The following LHFPL6 variants were observed in gnomAD, a reference collection of about 807,000 sequenced individuals.
LHFPL6 encodes the protein LHFPL tetraspan subfamily member 6.
Under a neutral mutation model 20.6 loss-of-function variants are expected in LHFPL6, and 9 were observed. That is an observed-to-expected ratio of 0.44 (90% confidence interval 0.26 to 0.76). The LOEUF (loss-of-function observed/expected upper bound fraction) is 0.76, where lower values mean the gene tolerates loss of function less well. LHFPL6 is among the 30% of genes least tolerant of loss of function. LHFPL6 has a pLI of 0.20. For missense variants in LHFPL6, 218 were observed against 253.5 expected, an observed-to-expected ratio of 0.86 and a Z score of 0.95; for synonymous variants, 105 against 98.7, an observed-to-expected ratio of 1.06 and a Z score of -0.38.
intron 2 of LHFPL6, among the ~76,000 whole-genome samples, chr13:39,411,020 G>A (rs948981500): frequency 6.6e-6 from 1 of 152,218 alleles, no homozygotes; most frequent in African/African-American, 2.4e-5. Flanking sequence ...ATCTCTGTCA[G>A]AGGGATATTT....
chr13:39,482,210 G>A (rs1341972925), intron 2 of LHFPL6, among the ~76,000 whole-genome samples: 1 of 152,212 alleles, frequency 6.6e-6, no homozygotes. Context: ...TTGGGAGGCT[G>A]AGATGGGCAG....
At chr13:39,577,780 C>A (rs1872160480) in intron 2 of LHFPL6, among the ~76,000 whole-genome samples, 1 of 152,006 alleles carries the variant, frequency 6.6e-6, no homozygotes, top group South Asian at 2.1e-4. Flanking sequence ...GCTACAGGTG[C>A]ATGCCACCAT....
intron 2 of LHFPL6, among the ~76,000 whole-genome samples, chr13:39,534,437 G>A (rs1397266693): frequency 2.0e-5 from 3 of 151,962 alleles, no homozygotes; most frequent in Non-Finnish European, 4.4e-5. Flanking sequence ...ACGGAAACTA[G>A]AAGAAGGCAA....
intron 2 of LHFPL6, among the ~76,000 whole-genome samples, chr13:39,561,269 C>T (rs1871473489): frequency 6.6e-6 from 1 of 152,032 alleles, no homozygotes; most frequent in African/African-American, 2.4e-5. Context: ...TCAACCTCTC[C>T]CTAAACCCTT....
chr13:39,492,412 C>T (rs563203380), intron 2 of LHFPL6, among the ~76,000 whole-genome samples: 1 of 152,240 alleles, frequency 6.6e-6, no homozygotes, highest in East Asian at 1.9e-4. Context: ...TTAACATCAA[C>T]ATACATTTAT....
intron 2 of LHFPL6, among the ~76,000 whole-genome samples, chr13:39,545,138 C>T (rs1161839575): frequency 1.3e-5 from 2 of 149,564 alleles, no homozygotes; most frequent in African/African-American, 2.5e-5. Flanking sequence ...CCCAGCTACT[C>T]GGGAGGCCGA....
At chr13:39,370,555 C>A (rs1259162678) in intron 3 of LHFPL6, among the ~76,000 whole-genome samples, 3 of 152,204 alleles carry the variant, frequency 2.0e-5, no homozygotes. Context: ...ATGGAATAAT[C>A]CATTTACTCT....
chr13:39,597,503 T>C (rs2138554546), intron 2 of LHFPL6, among the ~76,000 whole-genome samples: 1 of 152,362 alleles, frequency 6.6e-6, no homozygotes, highest in African/African-American at 2.4e-5. Context: ...AAGCCTCTAT[T>C]TTCTCCTAGC....
At chr13:39,412,552 C>T (rs1487196731) in intron 2 of LHFPL6, among the ~76,000 whole-genome samples, 1 of 152,182 alleles carries the variant, frequency 6.6e-6, no homozygotes, top group Non-Finnish European at 1.5e-5. Flanking sequence ...AATTTCACAA[C>T]ATTAAGAGGC....
intron 2 of LHFPL6, among the ~76,000 whole-genome samples, chr13:39,560,776 A>C (rs748754541): frequency 6.6e-6 from 1 of 151,886 alleles, no homozygotes; most frequent in Non-Finnish European, 1.5e-5. Flanking sequence ...CGGCCTCCCA[A>C]AGTGCTAGGA....
chr13:39,376,309 C>CA (rs1291399023), intron 3 of LHFPL6, among the ~76,000 whole-genome samples: 3 of 151,724 alleles, frequency 2.0e-5, no homozygotes, highest in South Asian at 2.1e-4. Flanking sequence ...GTTTGCTTTC[C>CA]AAAAAAAAGC....
At chr13:39,529,637 T>C (rs1221174554) in intron 2 of LHFPL6, among the ~76,000 whole-genome samples, 2 of 152,226 alleles carry the variant, frequency 1.3e-5, no homozygotes, top group Admixed American at 1.3e-4. Context: ...TTTGTTGGGC[T>C]GATTTTGTTG....
chr13:39,457,083 A>C (rs1482379147), intron 2 of LHFPL6, among the ~76,000 whole-genome samples: 1 of 152,228 alleles, frequency 6.6e-6, no homozygotes, highest in Non-Finnish European at 1.5e-5. Flanking sequence ...TATAGACGTG[A>C]GCCACAGCAC....
intron 2 of LHFPL6, among the ~76,000 whole-genome samples, chr13:39,456,500 T>C (rs904926050): frequency 6.6e-6 from 1 of 152,178 alleles, no homozygotes; most frequent in Non-Finnish European, 1.5e-5. Context: ...CAACAATATA[T>C]AATTAGGACA....
chr13:39,513,188 C>A (rs1869784671), intron 2 of LHFPL6, among the ~76,000 whole-genome samples: 1 of 152,196 alleles, frequency 6.6e-6, no homozygotes, highest in South Asian at 2.1e-4. Flanking sequence ...TAGAGCAAAT[C>A]AAATAACTAG....
intron 3 of LHFPL6, among the ~76,000 whole-genome samples, chr13:39,362,557 A>G (rs1434709032): frequency 3.9e-5 from 6 of 152,266 alleles, no homozygotes; most frequent in Non-Finnish European, 8.8e-5. Context: ...GGAGCAAGAA[A>G]TCAATAAACA....
intron 2 of LHFPL6, among the ~76,000 whole-genome samples, chr13:39,426,911 C>T (rs1017942493): frequency 8.6e-5 from 13 of 151,950 alleles, no homozygotes; most frequent in African/African-American, 2.9e-4. Flanking sequence ...TAGGTATTGA[C>T]CAATTTTGGG....
intron 3 of LHFPL6, among the ~76,000 whole-genome samples, chr13:39,366,934 C>A (rs1318502240): frequency 6.6e-6 from 1 of 152,212 alleles, no homozygotes; most frequent in Non-Finnish European, 1.5e-5. Flanking sequence ...ACACACCTAT[C>A]CTCTGCTCTA....
At chr13:39,348,563 C>T (rs977133212) in intron 3 of LHFPL6, among the ~76,000 whole-genome samples, 1 of 152,174 alleles carries the variant, frequency 6.6e-6, no homozygotes, top group Non-Finnish European at 1.5e-5. Context: ...TTTCCACTTC[C>T]CCACTGTTTT....
Sources: gnomAD v4.1 joint callset for allele counts (sites outside exome capture counted in the v4.1 genomes callset) on GRCh38, gnomAD v4.1.1 for gene constraint, MANE v1.5 for transcripts, NCBI Gene and HGNC (gene_info 2026-07-23, HGNC 2026-07-21) for gene names.